Variants in PPARA observed in about 807,000 individuals in gnomAD.
The protein encoded by PPARA is peroxisome proliferator activated receptor alpha.
Under a neutral mutation model 42.2 loss-of-function variants are expected in PPARA, and 22 were observed. The ratio of observed to expected loss-of-function variants is 0.52; its 90% CI spans 0.37 to 0.74. PPARA has a LOEUF of 0.74. PPARA is among the 30% of genes least tolerant of loss of function. The pLI, the probability that PPARA is intolerant of heterozygous loss-of-function variation, is 0.00. For synonymous variants in PPARA, 242 were observed against 239.3 expected (o/e 1.01, Z -0.10); for missense variants, 465 against 608.2 (o/e 0.76, Z 2.48).
chr22:46,205,133 G>T (rs142888095), intron 4 of PPARA, among the ~76,000 whole-genome samples: 3,227 of 151,966 alleles, frequency 0.021, 55 homozygotes, highest in Middle Eastern at 0.048. Context: ...CAAAGTGCTG[G>T]GATTACAGGT....
chr22:46,213,412 T>C (rs1435736427), intron 4 of PPARA, among the ~76,000 whole-genome samples: 1 of 151,488 alleles, frequency 6.6e-6, no homozygotes, highest in Admixed American at 6.6e-5. Context: ...TCTTTTTTTT[T>C]TTTTTTTTCC....
intron 4 of PPARA, among the ~76,000 whole-genome samples, chr22:46,207,131 G>A (rs1040229455): frequency 3.3e-5 from 5 of 151,538 alleles, no homozygotes; most frequent in African/African-American, 9.7e-5. Flanking sequence ...GCTGAGACAG[G>A]AGAATTGCTT....
intron 3 of PPARA, among the ~76,000 whole-genome samples, chr22:46,189,111 A>G (rs898510190): frequency 6.6e-6 from 1 of 152,148 alleles, no homozygotes; most frequent in Admixed American, 6.5e-5. Flanking sequence ...TTGACTTTTG[A>G]TTCTTGTGGC....
chr22:46,233,235 G>A lies in PPARA; in HGVS notation c.1159+996G>A, dbSNP rs1048821874. On this transcript the variant is annotated intron_variant, in intron 8 of 8. Coordinates refer to ENST00000407236, the MANE Select transcript of PPARA (RefSeq NM_005036.6). This position sits in a 1 kb window ranked among gnomAD's most constrained non-coding sequence, Gnocchi z 7.3. Reference sequence around the variant, plus strand: ...AAATATAATATCAGTCAGCAGCCAAGTGGCAGTGACTGCAAGGTTTGCTTT... The same window carrying A: ...AAATATAATATCAGTCAGCAGCCAAATGGCAGTGACTGCAAGGTTTGCTTT... Among the ~76,000 whole-genome samples, 1 of 152,154 alleles carries A rather than the reference G, an allele frequency of 6.6e-6. No individual in the cohort carries two copies. Among genetic ancestry groups the A allele is most frequent in the African/African-American group, 2.4e-5 (1 of 41,430 alleles).
Position 46,180,812 on chromosome 22 carries a change from C to T in PPARA, c.-43+3976C>T, listed in dbSNP as rs960201283. ...CCACTACATTTTCTGGGGGCTCGTC[C>T]GGGATTGGAGATGGCAGATTTTCTG... is the stretch of plus-strand genomic sequence containing the variant. On this transcript the variant is annotated intron_variant, in intron 3 of 8. Transcript: ENST00000407236. The surrounding 1 kb of genome is among the most constrained non-coding windows in gnomAD (Gnocchi z 4.2). 9.2e-5 allele frequency among the ~76,000 whole-genome samples: 14 copies of T among 152,200 alleles called. No individual in the cohort carries two copies. In the South Asian group the frequency reaches 1.9e-3, roughly 20 times the overall value.
At position 46,230,304 on chromosome 22, in the gene PPARA, G is replaced by A. The variant is rs754064552; in HGVS notation, c.712-1488G>A. Among the ~76,000 whole-genome samples the A allele has an allele frequency of 6.6e-6, 1 of 152,148 alleles. No individual in the cohort carries two copies. The highest frequency in any genetic ancestry group is 1.9e-4 in the East Asian group (1 of 5,194). On this transcript the variant is annotated intron_variant, in intron 7 of 8. Transcript: ENST00000407236. The surrounding 1 kb of genome is among the most constrained non-coding windows in gnomAD (Gnocchi z 5.0). ...GAGAATCGCTTGAACCTGGGAGGCC[G>A]AGGTTGCAGTGAGCCGAGATTGTGC...
Position 46,200,323 on chromosome 22 carries a change from A to G in PPARA, c.208+1732A>G, listed in dbSNP as rs928814427. Among the ~76,000 whole-genome samples the G allele has an allele frequency of 1.3e-5, 2 of 152,262 alleles. No homozygotes were observed. Among genetic ancestry groups the G allele is most frequent in the Non-Finnish European group, 2.9e-5 (2 of 68,046 alleles). On this transcript the variant is annotated intron_variant, in intron 4 of 8. Transcript: ENST00000407236. This position sits in a 1 kb window ranked among gnomAD's most constrained non-coding sequence, Gnocchi z 4.8. Reference sequence around the variant, plus strand: ...GATTTCATCATTGTGTGAAAGTCATAGAGTACACTTAAACCCAGATGGTAG... The same window carrying G: ...GATTTCATCATTGTGTGAAAGTCATGGAGTACACTTAAACCCAGATGGTAG...
At chr22:46,194,870 G>T (rs1249401554) in intron 3 of PPARA, among the ~76,000 whole-genome samples, 1 of 147,872 alleles carries the variant, frequency 6.8e-6, no homozygotes, top group Non-Finnish European at 1.5e-5. Flanking sequence ...CACCACGCCT[G>T]GCCCCAGCTA....
rs1470462253 is a variant in PPARA at position 46,188,999 on chromosome 22, C to T, written c.-42-9343C>T. 1.3e-5 allele frequency among the ~76,000 whole-genome samples: 2 copies of T among 152,220 alleles called. No homozygotes were observed. Among genetic ancestry groups the T allele is most frequent in the Non-Finnish European group, 1.5e-5 (1 of 68,032 alleles). On this transcript the variant is annotated intron_variant, in intron 3 of 8. Coordinates refer to ENST00000407236, the MANE Select transcript of PPARA (RefSeq NM_005036.6). This position sits in a 1 kb window ranked among gnomAD's most constrained non-coding sequence, Gnocchi z 5.0. ...GGCCACTGCGCCCAGGCTGCTTCCTCGTCATCTGGCTGCTAAATGCTTCAA... is the reference window on the plus strand; with the variant it reads ...GGCCACTGCGCCCAGGCTGCTTCCTTGTCATCTGGCTGCTAAATGCTTCAA...
At position 46,171,037 on chromosome 22, in the gene PPARA, T is replaced by C. The variant is rs998832675; in HGVS notation, c.-126-5716T>C. On this transcript the variant is annotated intron_variant, in intron 2 of 8. Coordinates refer to ENST00000407236, the MANE Select transcript of PPARA (RefSeq NM_005036.6). The surrounding 1 kb of genome is among the most constrained non-coding windows in gnomAD (Gnocchi z 5.0). Reference sequence around the variant, plus strand: ...TTAGCCAGGCACAATGGCAGGTACCTGTAATCCCAGCTACTTGGGAGGCTG... The same window carrying C: ...TTAGCCAGGCACAATGGCAGGTACCCGTAATCCCAGCTACTTGGGAGGCTG... Among the ~76,000 whole-genome samples the C allele has an allele frequency of 1.3e-5, 2 of 151,982 alleles. No individual in the cohort carries two copies. The highest frequency in any genetic ancestry group is 1.3e-4 in the Admixed American group (2 of 15,262).
In PPARA at chr22:46,227,672, G is replaced by A. The variant is rs551712660; in HGVS notation, c.712-4120G>A. On this transcript the variant is annotated intron_variant, in intron 7 of 8. Transcript: ENST00000407236. This position sits in a 1 kb window ranked among gnomAD's most constrained non-coding sequence, Gnocchi z 4.3. ...CGGGACCAGTGTGGCAGCAAGCGGG[G>A]CGTTCTGCTCTCGGCATGGAGTGAT... Among the ~76,000 whole-genome samples, 1 of 152,220 alleles carries A rather than the reference G, an allele frequency of 6.6e-6. No homozygotes were observed. The highest frequency in any genetic ancestry group is 2.1e-4 in the South Asian group (1 of 4,834).
rs1014156206 is a variant in PPARA at position 46,242,134 on chromosome 22, T to TA, written c.*6757dup. 2.6e-4 allele frequency: 39 copies of TA among 152,146 alleles called. No individual in the cohort carries two copies. Among genetic ancestry groups the TA allele is most frequent in the African/African-American group, 9.4e-4 (39 of 41,418 alleles). 9.4% of individuals were successfully genotyped at this position (152,146 alleles called of 1,614,324 possible). ...AAAATCCATTCATTTAATGAATTGA[T>TA]AAAGTGCCGTGCAAACTGGTGCACA... is the stretch of plus-strand genomic sequence containing the variant. On this transcript the variant is annotated 3_prime_UTR_variant, in exon 9 of 9. Coordinates refer to ENST00000407236, the MANE Select transcript of PPARA (RefSeq NM_005036.6). The surrounding 1 kb of genome is among the most constrained non-coding windows in gnomAD (Gnocchi z 6.1).
In PPARA at chr22:46,188,253, A is replaced by G. The variant is rs1161626360; in HGVS notation, c.-42-10089A>G. Among the ~76,000 whole-genome samples the G allele has an allele frequency of 6.6e-6, 1 of 152,264 alleles. No individual in the cohort carries two copies. Among genetic ancestry groups the G allele is most frequent in the Non-Finnish European group, 1.5e-5 (1 of 68,046 alleles). ...GTTTCAGAGTTTGTTACACGGTAAC[A>G]TGTAACTGATACAACTCTTGGAGCC... is the stretch of plus-strand genomic sequence containing the variant. On this transcript the variant is annotated intron_variant, in intron 3 of 8. Transcript: ENST00000407236. The surrounding 1 kb of genome is among the most constrained non-coding windows in gnomAD (Gnocchi z 5.0).
At chr22:46,215,981 C>T (rs1001099313) in intron 5 of PPARA, among the ~76,000 whole-genome samples, 2 of 152,122 alleles carry the variant, frequency 1.3e-5, no homozygotes, top group Non-Finnish European at 2.9e-5. Flanking sequence ...TCCATGAAAC[C>T]GGTCCCTGGT....
intron 2 of PPARA, among the ~76,000 whole-genome samples, chr22:46,169,320 C>T (rs970132617): frequency 4.6e-5 from 7 of 151,916 alleles, no homozygotes; most frequent in Admixed American, 2.6e-4. Context: ...CTGCAAGCTC[C>T]GCCTCCCGGG....
rs1210084748 is a variant in PPARA, at chr22:46,190,886, T to C, written c.-42-7456T>C. Among the ~76,000 whole-genome samples the C allele has an allele frequency of 6.6e-6, 1 of 152,202 alleles. No individual in the cohort carries two copies. The highest frequency in any genetic ancestry group is 1.5e-5 in the Non-Finnish European group (1 of 68,034). ...CAGCTACCTGCTATTTAATACATTA[T>C]TTCAGAAAATATTTACAAAGGGGGC... On this transcript the variant is annotated intron_variant, in intron 3 of 8. Transcript: ENST00000407236. This position sits in a 1 kb window ranked among gnomAD's most constrained non-coding sequence, Gnocchi z 5.6.
In PPARA at chr22:46,231,938, G is replaced by A; in HGVS notation, c.858G>A (p.Glu286=). 1 of 1,614,240 alleles carries A rather than the reference G, an allele frequency of 6.2e-7. No individual in the cohort carries two copies. The highest frequency in any genetic ancestry group is 1.1e-5 in the South Asian group (1 of 91,084). ...CQCTSVETVT[E]LTEFAKAIPG... Reference sequence around the variant, plus strand: ...GCACGTCAGTGGAGACCGTCACGGAGCTCACGGAATTCGCCAAGGCCATCC... The same window carrying A: ...GCACGTCAGTGGAGACCGTCACGGAACTCACGGAATTCGCCAAGGCCATCC... Residue 286 remains glutamate (E), a synonymous_variant, in exon 8 of 9, where the codon GAG becomes GAA. Coordinates refer to ENST00000407236, the MANE Select transcript of PPARA (RefSeq NM_005036.6). The surrounding 1 kb of genome is among the most constrained non-coding windows in gnomAD (Gnocchi z 7.7).
chr22:46,153,262 C>T (rs577638342), intron 2 of PPARA, among the ~76,000 whole-genome samples: 156 of 148,568 alleles, frequency 1.1e-3, no homozygotes, highest in African/African-American at 3.2e-3. Flanking sequence ...GTCCACCTCA[C>T]GGATTCGAAC....
intron 3 of PPARA, among the ~76,000 whole-genome samples, chr22:46,177,897 A>G (rs1378092304): frequency 6.6e-6 from 1 of 152,222 alleles, no homozygotes; most frequent in Non-Finnish European, 1.5e-5. Context: ...ATTTACCCAA[A>G]GAGGTATAGC....
Sources: gnomAD v4.1 joint callset for allele counts (sites outside exome capture counted in the v4.1 genomes callset) on GRCh38, gnomAD v4.1.1 for gene constraint, Gnocchi (gnomAD v3.1) non-coding constraint, MANE v1.5 for transcripts, NCBI Gene and HGNC (gene_info 2026-07-23, HGNC 2026-07-21) for gene names.